SPATA7: variants seen among roughly 807,000 people sequenced by gnomAD.
SPATA7 encodes spermatogenesis-associated protein 7.
A neutral mutation model predicts 51.8 loss-of-function variants in SPATA7; 43 were observed. The observed-to-expected ratio is 0.83, with a 90% CI of 0.65 to 1.07. The LOEUF (loss-of-function observed/expected upper bound fraction) is 1.07, where lower values mean the gene tolerates loss of function less well. SPATA7 is among the 50% of genes least tolerant of loss of function. The pLI, the probability that SPATA7 is intolerant of heterozygous loss-of-function variation, is 0.00. For missense variants in SPATA7, 683 were observed against 701.3 expected, an observed-to-expected ratio of 0.97 and a Z score of 0.30; for synonymous variants, 230 against 252.8, an observed-to-expected ratio of 0.91 and a Z score of 0.86.
At chr14:88,390,255 ATTT>A (rs71126981) in intron 1 of SPATA7, among the ~76,000 whole-genome samples, 2 of 144,800 alleles carry the variant, frequency 1.4e-5, no homozygotes, top group African/African-American at 2.5e-5. Context: ...TAAAATGGGA[ATTT>A]TTTTTTTTTT....
chr14:88,419,390 G>T (rs1237750967), intron 5 of SPATA7, among the ~76,000 whole-genome samples: 2 of 141,150 alleles, frequency 1.4e-5, no homozygotes, highest in African/African-American at 5.2e-5. Flanking sequence ...GCTTTATTTT[G>T]ACTAGTATTT....
At chr14:88,460,348 A>G (rs527750826) in intron 4 of SPATA7, among the ~76,000 whole-genome samples, 2 of 152,308 alleles carry the variant, frequency 1.3e-5, no homozygotes, top group African/African-American at 2.4e-5. Context: ...AGGTACACCA[A>G]TCAGACATAA....
chr14:88,451,782 C>T (rs1427170094), intron 3 of SPATA7, among the ~76,000 whole-genome samples: 1 of 152,224 alleles, frequency 6.6e-6, no homozygotes, highest in Non-Finnish European at 1.5e-5. Flanking sequence ...GCTTCGGCCT[C>T]CCAAAGTGTT....
At chr14:88,443,089 T>G (rs2140037880), downstream of SPATA7, among the ~76,000 whole-genome samples, 1 of 151,982 alleles carries the variant, frequency 6.6e-6, no homozygotes, top group Non-Finnish European at 1.5e-5. Context: ...GAATTACAGG[T>G]GCCTGCCACT....
chr14:88,399,555 G>C (rs1454330634), intron 4 of SPATA7, among the ~76,000 whole-genome samples: 1 of 152,066 alleles, frequency 6.6e-6, no homozygotes, highest in Non-Finnish European at 1.5e-5. Context: ...GATTTCTAAG[G>C]ACCCTTCCAG....
downstream of SPATA7, among the ~76,000 whole-genome samples, chr14:88,439,331 C>CAG (rs61050265): frequency 0.2 from 30,836 of 152,012 alleles, 3,629 homozygotes; most frequent in East Asian, 0.3. Flanking sequence ...AACATTTAGT[C>CAG]AGACCTGTCT....
chr14:88,464,733 A>AAAG (rs1273382261), intron 4 of SPATA7, among the ~76,000 whole-genome samples: 3 of 151,418 alleles, frequency 2.0e-5, no homozygotes, highest in African/African-American at 7.4e-5. Context: ...CCGTCTCAAA[A>AAAG]AAGAAAAAAA....
downstream of SPATA7, among the ~76,000 whole-genome samples, chr14:88,441,485 G>C (rs1352202692): frequency 6.6e-6 from 1 of 152,056 alleles, no homozygotes; most frequent in African/African-American, 2.4e-5. Flanking sequence ...AGTGTTCCCT[G>C]TTCACCACAT....
In SPATA7 at chr14:88,391,436, C is replaced by T. The variant is rs765968462; in HGVS notation, c.75C>T (p.His25=). Residue 25 remains histidine (H), a synonymous_variant, in exon 2 of 12, where the codon CAC becomes CAT. Coordinates refer to ENST00000393545, the MANE Select transcript of SPATA7 (RefSeq NM_018418.5). ...GTCCACCGTGCCTATTTAAAGGACA[C>T]TTGAGCACCAAAAGTAATGGTAAGT... The part of the protein sequence containing the change: ...RYGPPCLFKG[H]LSTKSNAFCT... 5 of 1,613,560 alleles carry T rather than the reference C, an allele frequency of 3.1e-6. No homozygotes were observed. The Admixed American group carries it at 5.0e-5, about 16-fold the overall frequency.
chr14:88,431,972 C>A (rs2076954300), intron 9 of SPATA7, among the ~76,000 whole-genome samples: 2 of 152,138 alleles, frequency 1.3e-5, no homozygotes. Context: ...TAACAACTTT[C>A]TGGAATAATT....
chr14:88,465,622 A>C (rs1242823370), intron 4 of SPATA7, among the ~76,000 whole-genome samples: 2 of 152,226 alleles, frequency 1.3e-5, no homozygotes, highest in Non-Finnish European at 2.9e-5. Flanking sequence ...GTTTTGTGGA[A>C]GTGCACATTT....
At chr14:88,408,659 T>G (rs1441237039) in intron 4 of SPATA7, among the ~76,000 whole-genome samples, 3 of 152,218 alleles carry the variant, frequency 2.0e-5, no homozygotes, top group Non-Finnish European at 4.4e-5. Context: ...ATAGGAGTGA[T>G]GAGAGAGGGC....
At chr14:88,425,374 T>C (rs1443749438) in intron 5 of SPATA7, among the ~76,000 whole-genome samples, 2 of 152,140 alleles carry the variant, frequency 1.3e-5, no homozygotes, top group Admixed American at 6.5e-5. Context: ...AAGACAGATA[T>C]AATTGGCTAA....
At position 88,426,622 on chromosome 14, in the gene SPATA7, C is replaced by T. The variant is rs1387058171; in HGVS notation, c.763C>T (p.Gln255Ter). Residue 255 changes from glutamine to a stop codon, truncating the protein, a stop_gained, in exon 6 of 12, where the codon CAG (glutamine) becomes TAG (stop). Transcript: ENST00000393545. LOFTEE classifies it high-confidence loss of function. ...AACAGAAGCAAAATCTTTCCTGTCA[C>T]AGTATCGCTATTATACACCTGCCAA... ...LKTEAKSFLS[Q>*]YRYYTPAKRK... The T allele has an allele frequency of 6.2e-7, 1 of 1,614,032 alleles. No homozygotes were observed. The highest frequency in any genetic ancestry group is 8.5e-7 in the Non-Finnish European group (1 of 1,180,030).
intron 4 of SPATA7, among the ~76,000 whole-genome samples, chr14:88,464,699 C>T (rs1180457492): frequency 6.6e-6 from 1 of 151,840 alleles, no homozygotes; most frequent in Non-Finnish European, 1.5e-5. Context: ...CACTGCACTC[C>T]AGCCTGGGTG....
intron 2 of SPATA7, 99 bp downstream of exon 2, chr14:88,391,554 G>A (rs1053008474): frequency 3.0e-6 from 3 of 993,932 alleles, no homozygotes; most frequent in African/African-American, 3.2e-5. Flanking sequence ...TGTTTCATTT[G>A]ACGAATATTT....
At position 88,422,538 on chromosome 14, in the gene SPATA7, A is replaced by G. The variant is rs1241625617; in HGVS notation, c.373-3694A>G. On this transcript the variant is annotated intron_variant, in intron 5 of 11. Transcript: ENST00000393545. ...AAGAATGGGGTTTCTTGAAAATACA[A>G]ATCATATATTTTAATATATCTTTTT... is the stretch of plus-strand genomic sequence containing the variant. Among the ~76,000 whole-genome samples the G allele has an allele frequency of 2.7e-5, 4 of 149,746 alleles. No individual in the cohort carries two copies. The South Asian group carries it at 6.3e-4, about 23-fold the overall frequency.
At chr14:88,468,199 A>G in intron 4 of SPATA7, 2 of 1,612,350 alleles carry the variant, frequency 1.2e-6, no homozygotes, top group Non-Finnish European at 1.7e-6. Flanking sequence ...GTGTACTGGC[A>G]GAGAGTCTGC....
intron 4 of SPATA7, among the ~76,000 whole-genome samples, chr14:88,414,209 G>GT (rs758261219): frequency 1.3e-5 from 2 of 151,948 alleles, no homozygotes; most frequent in Non-Finnish European, 2.9e-5. Context: ...TGGTTGGTAG[G>GT]TTTTTTTTAT....
Sources: allele counts gnomAD v4.1 joint callset (sites outside exome capture counted in the v4.1 genomes callset), GRCh38; gene constraint gnomAD v4.1.1; transcripts MANE v1.5; gene names NCBI Gene and HGNC (gene_info 2026-07-23, HGNC 2026-07-21).